The following FBXO22 variants were observed in gnomAD, a reference collection of about 807,000 sequenced individuals.
FBXO22 encodes the protein F-box only protein 22.
In FBXO22, 13 loss-of-function variants were observed where a neutral mutation model predicts 37.2. The observed-to-expected ratio is 0.35, with a 90% CI of 0.23 to 0.56. The LOEUF is 0.56. Among genes scored for constraint, FBXO22 ranks in the 20% least tolerant of loss-of-function variants. The pLI is 0.87. For missense variants in FBXO22, 446 were observed against 509.9 expected (o/e 0.87, Z 1.21); for synonymous variants, 189 against 189.1 (o/e 1.00, Z 0.00).
At chr15:75,929,006 G>A (rs755657881) in intron 5 of FBXO22, among the ~76,000 whole-genome samples, 10 of 152,162 alleles carry the variant, frequency 6.6e-5, no homozygotes, top group Non-Finnish European at 1.3e-4. Context: ...CTGTAACAAA[G>A]TACCCCAAAT....
At position 75,934,570 on chromosome 15, in the gene FBXO22, G is replaced by A. The variant is rs547088753; in HGVS notation, c.*1468G>A. 6.6e-6 allele frequency: 1 copy of A among 151,496 alleles called. No homozygotes were observed. The highest frequency in any genetic ancestry group is 2.1e-4 in the South Asian group (1 of 4,796). The allele number at this position is 151,496 out of a possible 1,614,324, so 9.4% of individuals were successfully genotyped here. ...TTAAAACTGAAAATATTTTTCTCTT[G>A]CTATTTATATATATATGATAAAAAT... On this transcript the variant is annotated 3_prime_UTR_variant, in exon 7 of 7. Coordinates refer to ENST00000308275, the MANE Select transcript of FBXO22 (RefSeq NM_147188.3).
rs2030141884 is a variant in FBXO22 at position 75,933,530 on chromosome 15, A to AAAAT, written c.*430_*433dup. The AAAAT allele has an allele frequency of 5.6e-6, 1 of 178,002 alleles. No individual in the cohort carries two copies. Among genetic ancestry groups the AAAAT allele is most frequent in the Admixed American group, 6.2e-5 (1 of 16,004 alleles). 11.0% of individuals were successfully genotyped at this position (178,002 alleles called of 1,614,324 possible). A position where few individuals can be genotyped will look rare whatever the true frequency, so the allele number is the denominator to read the frequency against. On this transcript the variant is annotated 3_prime_UTR_variant, in exon 7 of 7. Coordinates refer to ENST00000308275, the MANE Select transcript of FBXO22 (RefSeq NM_147188.3). ...CTTTTTTCTCCCTTAATAAAGGAGA[A>AAAAT]AAATATACTGATGGCTGGAGAAATT... is the stretch of plus-strand genomic sequence containing the variant.
intron 2 of FBXO22, among the ~76,000 whole-genome samples, chr15:75,907,743 T>C (rs1258345291): frequency 6.6e-6 from 1 of 151,438 alleles, no homozygotes; most frequent in Admixed American, 6.6e-5. Flanking sequence ...TAAAAAAATA[T>C]AAATATTTAA....
Position 75,914,198 on chromosome 15 carries a change from A to G in FBXO22, c.456A>G (p.Gly152=). The G allele has an allele frequency of 1.2e-6, 2 of 1,611,520 alleles. No individual in the cohort carries two copies. Among genetic ancestry groups the G allele is most frequent in the Non-Finnish European group, 1.7e-6 (2 of 1,178,296 alleles). ...AAGTCCTTGGGATTGTGACCCCAGG[A>G]ATTGTAGGTGAGATAAATTAGCAAC... ...QCQVLGIVTP[G]IVVTPMGSGS... The change falls in exon 4 of 7, where the codon GGA becomes GGG. Residue 152 remains glycine (G), a synonymous_variant. Coordinates refer to ENST00000308275, the MANE Select transcript of FBXO22 (RefSeq NM_147188.3).
At position 75,936,942 on chromosome 15, in the gene FBXO22, CAG is replaced by C. The variant is rs2030400994; in HGVS notation, c.*3841_*3842del. The C allele has an allele frequency of 6.6e-6, 1 of 152,088 alleles. No individual in the cohort carries two copies. Among genetic ancestry groups the C allele is most frequent in the Non-Finnish European group, 1.5e-5 (1 of 68,006 alleles). The allele number at this position is 152,088 out of a possible 1,614,324, so 9.4% of individuals were successfully genotyped here. A position where few individuals can be genotyped will look rare whatever the true frequency, so the allele number is the denominator to read the frequency against. ...TATAGTGACTGTTAGCCAGTAAAAA[CAG>C]GGAAGATTGATTAATTTAGAAGAAA... On this transcript the variant is annotated 3_prime_UTR_variant, in exon 7 of 7. Coordinates refer to ENST00000308275, the MANE Select transcript of FBXO22 (RefSeq NM_147188.3).
At position 75,936,904 on chromosome 15, in the gene FBXO22, A is replaced by C. The variant is rs922866536; in HGVS notation, c.*3802A>C. The C allele has an allele frequency of 1.3e-5, 2 of 152,170 alleles. No homozygotes were observed. The highest frequency in any genetic ancestry group is 4.8e-5 in the African/African-American group (2 of 41,446). 9.4% of individuals were successfully genotyped at this position (152,170 alleles called of 1,614,324 possible). A position where few individuals can be genotyped will look rare whatever the true frequency, so the allele number is the denominator to read the frequency against. On this transcript the variant is annotated 3_prime_UTR_variant, in exon 7 of 7. Transcript: ENST00000308275. ...TTTCATTTCTTAAAACAGATTTATA[A>C]AAGTTTTTGCTATATAGTGACTGTT...
rs1555426988 is a variant in FBXO22 at position 75,933,036 on chromosome 15, A to G, written c.1146A>G (p.Lys382=). Residue 382 remains lysine, a synonymous_variant, in exon 7 of 7, where the codon AAA becomes AAG. Transcript: ENST00000308275. ...TATTGAGGAAATGTAATGAGGTAAA[A>G]GATGATGATCTGTTTCATAGCTATA... ...NFILRKCNEV[K]DDDLFHSYTT... 4 of 1,614,210 alleles carry G rather than the reference A, an allele frequency of 2.5e-6. No homozygotes were observed. Among genetic ancestry groups the G allele is most frequent in the Non-Finnish European group, 3.4e-6 (4 of 1,180,018 alleles).
At chr15:75,913,637 A>G (rs1900119095) in intron 3 of FBXO22, among the ~76,000 whole-genome samples, 1 of 152,180 alleles carries the variant, frequency 6.6e-6, no homozygotes, top group African/African-American at 2.4e-5. Flanking sequence ...TACTAAAGTT[A>G]TGTAGAGAAA....
At chr15:75,931,995 C>T (rs899171935) in intron 6 of FBXO22, among the ~76,000 whole-genome samples, 2 of 152,210 alleles carry the variant, frequency 1.3e-5, no homozygotes. Flanking sequence ...AGGAGGATTG[C>T]TTGAGCCCAG....
intron 5 of FBXO22, among the ~76,000 whole-genome samples, chr15:75,919,703 G>A (rs335696): frequency 0.98 from 149,807 of 152,356 alleles, 73,698 homozygotes; most frequent in East Asian, 1. Context: ...AGGCTTTACT[G>A]TGTGTCACAT....
chr15:75,931,587 T>G (rs2030018518), intron 6 of FBXO22, among the ~76,000 whole-genome samples: 2 of 152,248 alleles, frequency 1.3e-5, no homozygotes, highest in Non-Finnish European at 2.9e-5. Flanking sequence ...TTTAGTCACT[T>G]AACCTTTTTG....
In FBXO22 at chr15:75,916,462, C is replaced by T. The variant is rs1030792330; in HGVS notation, c.464-768C>T. ...ATAAGCATGCTTGGTGTCTCTTCCT[C>T]CTCTTCTCAGGACACTAGTCCTGTT... is the stretch of plus-strand genomic sequence containing the variant. On this transcript the variant is annotated intron_variant, in intron 4 of 6. Coordinates refer to ENST00000308275, the MANE Select transcript of FBXO22 (RefSeq NM_147188.3). Among the ~76,000 whole-genome samples, 11 of 152,206 alleles carry T rather than the reference C, an allele frequency of 7.2e-5. 1 individual carries two copies. Among genetic ancestry groups the T allele is most frequent in the African/African-American group, 2.7e-4 (11 of 41,438 alleles).
At chr15:75,931,880 G>C (rs896581338) in intron 6 of FBXO22, among the ~76,000 whole-genome samples, 1 of 152,116 alleles carries the variant, frequency 6.6e-6, no homozygotes, top group Non-Finnish European at 1.5e-5. Flanking sequence ...ATTTTCTAGT[G>C]GACTAGACAT....
rs148779868 is a variant in FBXO22, at chr15:75,904,747, G to T, written c.279+118G>T. ...AAAGGAACATCTCGTTCCGTGAAAAGATTTTGTAAACATCAGTTTTAGTGA... is the reference window on the plus strand; with the variant it reads ...AAAGGAACATCTCGTTCCGTGAAAATATTTTGTAAACATCAGTTTTAGTGA... On this transcript the variant is annotated intron_variant, in intron 2 of 6. Coordinates refer to ENST00000308275, the MANE Select transcript of FBXO22 (RefSeq NM_147188.3). 9.5e-4 allele frequency: 1,019 copies of T among 1,073,032 alleles called. 18 individuals carry two copies. The East Asian group carries it at 0.026, about 27-fold the overall frequency. 66.5% of individuals were successfully genotyped at this position (1,073,032 alleles called of 1,614,324 possible). A position where few individuals can be genotyped will look rare whatever the true frequency, so the allele number is the denominator to read the frequency against.
Position 75,940,311 on chromosome 15 carries a change from A to G in FBXO22, c.*7209A>G, listed in dbSNP as rs2030812623. 6.6e-6 allele frequency: 1 copy of G among 152,080 alleles called. No homozygotes were observed. Among genetic ancestry groups the G allele is most frequent in the Admixed American group, 6.5e-5 (1 of 15,278 alleles). The allele number at this position is 152,080 out of a possible 1,614,324, so 9.4% of individuals were successfully genotyped here. A position where few individuals can be genotyped will look rare whatever the true frequency, so the allele number is the denominator to read the frequency against. On this transcript the variant is annotated 3_prime_UTR_variant, in exon 7 of 7. Coordinates refer to ENST00000308275, the MANE Select transcript of FBXO22 (RefSeq NM_147188.3). ...AGGTGGTAAATGGCTTGTACAATGA[A>G]AACTACAAAACATTGCTTCAATAAA...
intron 2 of FBXO22, among the ~76,000 whole-genome samples, chr15:75,906,569 A>G (rs1298921248): frequency 2.0e-5 from 3 of 152,108 alleles, no homozygotes; most frequent in African/African-American, 7.2e-5. Flanking sequence ...CCTGGTTCTC[A>G]TCATTCTTAA....
chr15:75,909,044 T>C (rs1899990539), intron 2 of FBXO22, among the ~76,000 whole-genome samples: 1 of 152,224 alleles, frequency 6.6e-6, no homozygotes, highest in Admixed American at 6.5e-5. Context: ...ATATCCTAAG[T>C]ACTTCATTTT....
chr15:75,927,627 G>C (rs1413808790), intron 5 of FBXO22, among the ~76,000 whole-genome samples: 1 of 152,106 alleles, frequency 6.6e-6, no homozygotes, highest in Non-Finnish European at 1.5e-5. Context: ...AAAATTTCGT[G>C]GGCTAGTCTA....
rs2141742828 is a variant in FBXO22 at position 75,939,789 on chromosome 15, T to C, written c.*6687T>C. ...GAACGAAGCGAGAACCAGATGATCATCTCAATTGATGCAGACAAAGCATTT... is the reference window on the plus strand; with the variant it reads ...GAACGAAGCGAGAACCAGATGATCACCTCAATTGATGCAGACAAAGCATTT... On this transcript the variant is annotated 3_prime_UTR_variant, in exon 7 of 7. Coordinates refer to ENST00000308275, the MANE Select transcript of FBXO22 (RefSeq NM_147188.3). 1 of 152,230 alleles carries C rather than the reference T, an allele frequency of 6.6e-6. No individual in the cohort carries two copies. Among genetic ancestry groups the C allele is most frequent in the Admixed American group, 6.5e-5 (1 of 15,292 alleles). 9.4% of individuals were successfully genotyped at this position (152,230 alleles called of 1,614,324 possible). A position where few individuals can be genotyped will look rare whatever the true frequency, so the allele number is the denominator to read the frequency against.
Sources: allele counts gnomAD v4.1 joint callset (sites outside exome capture counted in the v4.1 genomes callset), GRCh38; gene constraint gnomAD v4.1.1; transcripts MANE v1.5; gene names NCBI Gene and HGNC (gene_info 2026-07-23, HGNC 2026-07-21).